The following C17orf78 variants were observed in gnomAD, a reference collection of about 807,000 sequenced individuals.
C17orf78 encodes uncharacterized protein C17orf78.
Under a neutral mutation model 31.8 loss-of-function variants are expected in C17orf78, and 27 were observed. The ratio of observed to expected loss-of-function variants is 0.85; its 90% CI spans 0.63 to 1.17. The LOEUF (loss-of-function observed/expected upper bound fraction) is 1.17. Among genes scored for constraint, C17orf78 ranks in the 50% most tolerant of loss-of-function variants. The probability of loss-of-function intolerance (pLI) is 0.00; values close to 1 mark genes in which losing one functional copy is unlikely to be tolerated. For synonymous variants in C17orf78, 106 were observed against 115.1 expected (o/e 0.92, Z 0.51); for missense variants, 258 against 315.2 (o/e 0.82, Z 1.37).
At chr17:37,384,509 C>A (rs1385237544) in intron 3 of C17orf78, among the ~76,000 whole-genome samples, 1 of 152,016 alleles carries the variant, frequency 6.6e-6, no homozygotes, top group Non-Finnish European at 1.5e-5. Context: ...CTTCACAACA[C>A]CCCTGTGAAA....
At chr17:37,380,416 A>G (rs2050195083) in intron 3 of C17orf78, among the ~76,000 whole-genome samples, 1 of 151,924 alleles carries the variant, frequency 6.6e-6, no homozygotes, top group African/African-American at 2.4e-5. Context: ...CCTAAAACTT[A>G]AAGTATAATA....
chr17:37,377,659 CAATAAATAAATA>C lies in C17orf78; in HGVS notation c.59-185_59-174del, dbSNP rs140365002. On this transcript the variant is annotated intron_variant, in intron 1 of 6. Coordinates refer to ENST00000615133, the MANE Select transcript of C17orf78 (RefSeq NM_173625.5). Reference sequence around the variant, plus strand: ...TGGGCGACAGAGTGAGACTCCGTCTCAATAAATAAATAAATAAATAAATAAATAAATAAATAA... The same window carrying C: ...TGGGCGACAGAGTGAGACTCCGTCTCAATAAATAAATAAATAAATAAATAA... Among the ~76,000 whole-genome samples, 938 of 143,634 alleles carry C rather than the reference CAATAAATAAATA, an allele frequency of 6.5e-3. 4 individuals carry two copies. The highest frequency in any genetic ancestry group is 0.017 in the African/African-American group (648 of 38,780). 94.2% of individuals were successfully genotyped at this position (143,634 alleles called of 152,430 possible). A position where few individuals can be genotyped will look rare whatever the true frequency, so the allele number is the denominator to read the frequency against.
chr17:37,379,093 A>G (rs1462476343), intron 2 of C17orf78, 44 bp from the exon 3 acceptor site: 2 of 1,575,568 alleles, frequency 1.3e-6, no homozygotes, highest in Non-Finnish European at 1.7e-6. Context: ...CCAAACAAAA[A>G]ACAAAACCAG....
intron 3 of C17orf78, among the ~76,000 whole-genome samples, chr17:37,383,856 C>G (rs1284950300): frequency 1.3e-5 from 2 of 152,154 alleles, no homozygotes; most frequent in African/African-American, 4.8e-5. Flanking sequence ...TGGTCCAAAA[C>G]AACCAATTTA....
intron 4 of C17orf78, among the ~76,000 whole-genome samples, chr17:37,388,408 T>C (rs1161668483): frequency 6.6e-6 from 1 of 152,060 alleles, no homozygotes; most frequent in Non-Finnish European, 1.5e-5. Flanking sequence ...CAGCCCTATG[T>C]GATTATGGAA....
At chr17:37,386,206 C>T in intron 4 of C17orf78, 81 bp downstream of exon 4, 2 of 854,968 alleles carry the variant, frequency 2.3e-6, no homozygotes, top group Non-Finnish European at 3.6e-6. Flanking sequence ...TTTTTAGCCC[C>T]AGCGTTAGTC....
intron 3 of C17orf78, among the ~76,000 whole-genome samples, chr17:37,380,580 GTTT>G (rs2050205149): frequency 6.6e-6 from 1 of 151,998 alleles, no homozygotes; most frequent in African/African-American, 2.4e-5. Flanking sequence ...TCTTTCAACA[GTTT>G]TTTAAAATTT....
chr17:37,381,880 G>A (rs749234702), intron 3 of C17orf78, among the ~76,000 whole-genome samples: 14 of 152,078 alleles, frequency 9.2e-5, no homozygotes, highest in East Asian at 7.7e-4. Context: ...GCCCGCCTTG[G>A]CCTCCCAAAG....
rs1568095743 is a variant in C17orf78, at chr17:37,390,302, A to AATTTTATATATATAT, written c.750+943_750+944insTTATATATATATATT. 6.3e-3 allele frequency among the ~76,000 whole-genome samples: 250 copies of AATTTTATATATATAT among 39,458 alleles called. 27 individuals carry two copies. Among genetic ancestry groups the AATTTTATATATATAT allele is most frequent in the African/African-American group, 0.032 (213 of 6,560 alleles). The allele number at this position is 39,458 out of a possible 152,430, so 25.9% of individuals were successfully genotyped here. ...TTATATATAATTATATATTATACAT[A>AATTTTATATATATAT]ATTATATATATATATATATATATAT... is the stretch of plus-strand genomic sequence containing the variant. On this transcript the variant is annotated intron_variant, in intron 6 of 6. Coordinates refer to ENST00000615133, the MANE Select transcript of C17orf78 (RefSeq NM_173625.5).
chr17:37,392,165 T>C lies in C17orf78; in HGVS notation c.*441T>C, dbSNP rs976495462. ...AGAGTGGGACTCCTGATCTCCCTGG[T>C]TGACGTTTATAAGGTTTTGTAATTT... On this transcript the variant is annotated 3_prime_UTR_variant, in exon 7 of 7. Transcript: ENST00000615133. The C allele has an allele frequency of 5.9e-6, 1 of 168,794 alleles. No individual in the cohort carries two copies. Among genetic ancestry groups the C allele is most frequent in the Admixed American group, 5.6e-5 (1 of 17,730 alleles). 10.5% of individuals were successfully genotyped at this position (168,794 alleles called of 1,614,324 possible).
intron 3 of C17orf78, among the ~76,000 whole-genome samples, chr17:37,381,122 A>G (rs1228618206): frequency 6.6e-6 from 1 of 152,008 alleles, no homozygotes; most frequent in Admixed American, 6.6e-5. Flanking sequence ...CATACCATAT[A>G]CACTGTTCTG....
intron 2 of C17orf78, among the ~76,000 whole-genome samples, chr17:37,378,560 A>C (rs1255453163): frequency 6.6e-6 from 1 of 152,144 alleles, no homozygotes; most frequent in African/African-American, 2.4e-5. Flanking sequence ...TAAAGATACA[A>C]AAATCAGCTG....
intron 6 of C17orf78, among the ~76,000 whole-genome samples, chr17:37,390,705 A>T (rs1258714944): frequency 6.6e-6 from 1 of 151,012 alleles, no homozygotes; most frequent in Admixed American, 6.6e-5. Flanking sequence ...AGGTGGGAGG[A>T]TCACTTGGGC....
At chr17:37,376,847 CG>C (rs2050025912) in intron 1 of C17orf78, among the ~76,000 whole-genome samples, 2 of 151,926 alleles carry the variant, frequency 1.3e-5, no homozygotes, top group Non-Finnish European at 2.9e-5. Flanking sequence ...CTCAGCTACT[CG>C]GGTGGCTGAG....
In C17orf78 at chr17:37,376,154, T is replaced by C. The variant is rs1345377924; in HGVS notation, c.58+4T>C. 1.2e-6 allele frequency: 2 copies of C among 1,607,336 alleles called. No individual in the cohort carries two copies. Among genetic ancestry groups the C allele is most frequent in the South Asian group, 1.1e-5 (1 of 90,920 alleles). On this transcript the variant is annotated splice_donor_region_variant and intron_variant, in intron 1 of 6. Coordinates refer to ENST00000615133, the MANE Select transcript of C17orf78 (RefSeq NM_173625.5). ...TCCTATGATGCCAACAAGAAAGGTA[T>C]GTAATTCTCTAGCCTAATCTCCTGG...
chr17:37,388,086 G>A (rs1189115318), intron 4 of C17orf78, among the ~76,000 whole-genome samples: 2 of 152,124 alleles, frequency 1.3e-5, no homozygotes, highest in African/African-American at 2.4e-5. Flanking sequence ...GATGGTTTGA[G>A]CCTGGGAGAT....
At chr17:37,388,887 C>A in intron 5 of C17orf78, 93 bp downstream of exon 5, 1 of 1,485,864 alleles carries the variant, frequency 6.7e-7, no homozygotes, top group Middle Eastern at 1.7e-4. Context: ...AAAGCATAGA[C>A]TTTGGAATTT....
chr17:37,390,310 A>ATATATATAT (rs1555672276), intron 6 of C17orf78, among the ~76,000 whole-genome samples: 13 of 48,298 alleles, frequency 2.7e-4, no homozygotes, highest in Admixed American at 8.5e-4. Context: ...ATAATTATAT[A>ATATATATAT]TATATATATA....
chr17:37,381,409 C>T (rs1180088043), intron 3 of C17orf78, among the ~76,000 whole-genome samples: 4 of 151,828 alleles, frequency 2.6e-5, no homozygotes, highest in African/African-American at 9.7e-5. Context: ...TAGTGTTGAA[C>T]TCCTGACTTC....
Sources: gnomAD v4.1 joint callset for allele counts (sites outside exome capture counted in the v4.1 genomes callset) on GRCh38, gnomAD v4.1.1 for gene constraint, MANE v1.5 for transcripts, NCBI Gene and HGNC (gene_info 2026-07-23, HGNC 2026-07-21) for gene names.